The following VSNL1 variants were observed in gnomAD, a reference collection of about 807,000 sequenced individuals.
VSNL1 encodes visinin-like protein 1.
VSNL1 carries 6 observed loss-of-function variants against 20.4 expected under a neutral mutation model. The ratio of observed to expected loss-of-function variants is 0.29; its 90% CI spans 0.16 to 0.58. The LOEUF is 0.58. Among genes scored for constraint, VSNL1 ranks in the 20% least tolerant of loss-of-function variants. The probability of loss-of-function intolerance (pLI) is 0.90; values close to 1 mark genes in which losing one functional copy is unlikely to be tolerated. For missense variants in VSNL1, 100 were observed against 234.5 expected, an observed-to-expected ratio of 0.43 and a Z score of 3.75; for synonymous variants, 93 against 86.4, an observed-to-expected ratio of 1.08 and a Z score of -0.42.
At chr2:17,588,513 T>G (rs777878753) in intron 1 of VSNL1, among the ~76,000 whole-genome samples, 1 of 152,240 alleles carries the variant, frequency 6.6e-6, no homozygotes, top group African/African-American at 2.4e-5. Flanking sequence ...TTGTACTCTT[T>G]CTGTTATGCT....
intron 1 of VSNL1, among the ~76,000 whole-genome samples, chr2:17,585,564 T>C (rs1664451325): frequency 6.6e-6 from 1 of 150,644 alleles, no homozygotes; most frequent in African/African-American, 2.4e-5. Context: ...CTTACAAGCT[T>C]TGAGTGTTAG....
At chr2:17,653,734 A>G (rs556029360) in intron 3 of VSNL1, among the ~76,000 whole-genome samples, 7 of 152,368 alleles carry the variant, frequency 4.6e-5, no homozygotes, top group African/African-American at 1.7e-4. Context: ...AAACAACTTT[A>G]TGAGTTATAA....
intron 1 of VSNL1, 100 bp from the exon 2 acceptor site, chr2:17,591,970 G>T: frequency 1.5e-6 from 2 of 1,371,016 alleles, no homozygotes; most frequent in Admixed American, 2.0e-5. Context: ...ACTGGAGGGA[G>T]TTCCGACCAT....
chr2:17,590,647 C>G (rs1375912462), intron 1 of VSNL1, among the ~76,000 whole-genome samples: 1 of 152,116 alleles, frequency 6.6e-6, no homozygotes, highest in Admixed American at 6.6e-5. Flanking sequence ...AGTTTCATTA[C>G]AGTGAAAGAA....
chr2:17,562,241 G>A (rs1265981806), intron 1 of VSNL1, among the ~76,000 whole-genome samples: 2 of 152,152 alleles, frequency 1.3e-5, no homozygotes, highest in Admixed American at 1.3e-4. Context: ...TATTAATAGT[G>A]ATAGAATTGA....
chr2:17,593,870 G>C (rs1664651414), intron 2 of VSNL1, among the ~76,000 whole-genome samples: 1 of 152,082 alleles, frequency 6.6e-6, no homozygotes. Flanking sequence ...TTATCACCTA[G>C]GGGCTAGTCC....
intron 2 of VSNL1, among the ~76,000 whole-genome samples, chr2:17,610,384 A>G (rs1052214052): frequency 3.9e-5 from 6 of 152,180 alleles, no homozygotes; most frequent in Non-Finnish European, 7.3e-5. Flanking sequence ...AGAGGCTGTG[A>G]AAAATGGGTG....
At chr2:17,622,540 GA>G (rs150961861) in intron 2 of VSNL1, among the ~76,000 whole-genome samples, 3,052 of 35,816 alleles carry the variant, frequency 0.085, 134 homozygotes, top group Middle Eastern at 0.19. Flanking sequence ...AGAAAAGAAA[GA>G]AAGAAAGAAA....
intron 3 of VSNL1, among the ~76,000 whole-genome samples, chr2:17,651,881 A>G (rs1372709887): frequency 1.3e-5 from 2 of 152,130 alleles, no homozygotes; most frequent in Non-Finnish European, 2.9e-5. Context: ...GAGTGTCTGT[A>G]TTTTGTTGTC....
intron 1 of VSNL1, among the ~76,000 whole-genome samples, chr2:17,564,754 C>T (rs1207694129): frequency 2.6e-5 from 4 of 152,190 alleles, no homozygotes; most frequent in African/African-American, 9.7e-5. Context: ...GCAAGACAGA[C>T]TCCCACCTTC....
chr2:17,579,861 A>G (rs1412146078), intron 1 of VSNL1, among the ~76,000 whole-genome samples: 2 of 152,206 alleles, frequency 1.3e-5, no homozygotes, highest in East Asian at 3.9e-4. Context: ...TCACAGGTAG[A>G]TCAAAGACCT....
chr2:17,549,165 T>A (rs1019170722), intron 1 of VSNL1, among the ~76,000 whole-genome samples: 2 of 152,254 alleles, frequency 1.3e-5, no homozygotes, highest in Admixed American at 6.5e-5. Flanking sequence ...ATATCTTTTG[T>A]TTATCACATA....
chr2:17,600,547 T>C (rs142628504), intron 2 of VSNL1, among the ~76,000 whole-genome samples: 13 of 152,370 alleles, frequency 8.5e-5, no homozygotes, highest in African/African-American at 3.1e-4. Context: ...TAATTTTGAA[T>C]ATAAAACATT....
intron 1 of VSNL1, among the ~76,000 whole-genome samples, chr2:17,560,684 T>C (rs1483746548): frequency 6.6e-6 from 1 of 152,170 alleles, no homozygotes; most frequent in African/African-American, 2.4e-5. Context: ...ATTTGGATAA[T>C]CTAGATATAG....
At chr2:17,610,515 CT>C (rs1001719543) in intron 2 of VSNL1, among the ~76,000 whole-genome samples, 30 of 150,354 alleles carry the variant, frequency 2.0e-4, no homozygotes, top group African/African-American at 5.9e-4. Context: ...CACTTGCAAT[CT>C]TTTTTTTTTC....
intron 1 of VSNL1, among the ~76,000 whole-genome samples, chr2:17,584,496 G>A (rs1050153818): frequency 6.6e-6 from 1 of 152,100 alleles, no homozygotes; most frequent in Non-Finnish European, 1.5e-5. Context: ...TTTCTAAGTG[G>A]GTTTTAGCTT....
At chr2:17,632,636 G>C (rs1665663071) in intron 2 of VSNL1, among the ~76,000 whole-genome samples, 2 of 152,210 alleles carry the variant, frequency 1.3e-5, no homozygotes, top group South Asian at 4.2e-4. Flanking sequence ...CTGAGTGGTA[G>C]GTTTTCGGCT....
intron 1 of VSNL1, among the ~76,000 whole-genome samples, chr2:17,570,548 A>G (rs1664055763): frequency 6.6e-6 from 1 of 152,246 alleles, no homozygotes; most frequent in African/African-American, 2.4e-5. Flanking sequence ...TCCAAATGCA[A>G]ATGGAATACA....
chr2:17,648,858 T>G (rs989374857), intron 2 of VSNL1, among the ~76,000 whole-genome samples: 7 of 152,212 alleles, frequency 4.6e-5, no homozygotes, highest in Non-Finnish European at 8.8e-5. Flanking sequence ...AAATGTCTGT[T>G]CTGCAAAAGA....
Sources: allele counts gnomAD v4.1 joint callset (sites outside exome capture counted in the v4.1 genomes callset), GRCh38; gene constraint gnomAD v4.1.1; transcripts MANE v1.5; gene names NCBI Gene and HGNC (gene_info 2026-07-23, HGNC 2026-07-21).